Variants in CADM2 observed in about 807,000 individuals in gnomAD.
The protein encoded by CADM2 is cell adhesion molecule 2, also known as immunoglobulin superfamily member 4D.
In CADM2, 12 loss-of-function variants were observed where a neutral mutation model predicts 49.8. The ratio of observed to expected loss-of-function variants is 0.24; its 90% CI spans 0.15 to 0.39. CADM2 has a LOEUF of 0.39. CADM2 is among the 10% of genes least tolerant of loss of function. The pLI is 1.00. For missense variants in CADM2, 378 were observed against 492.3 expected (o/e 0.77, Z 2.20); for synonymous variants, 214 against 175.4 (o/e 1.22, Z -1.74).
intron 1 of CADM2, among the ~76,000 whole-genome samples, chr3:85,228,675 C>G (rs2042216063): frequency 6.6e-6 from 1 of 151,986 alleles, no homozygotes; most frequent in Non-Finnish European, 1.5e-5. Flanking sequence ...ACTATTGCTG[C>G]CTGATCCTTC....
intron 1 of CADM2, among the ~76,000 whole-genome samples, chr3:85,608,296 C>G (rs2063589023): frequency 6.6e-6 from 1 of 152,072 alleles, no homozygotes; most frequent in Non-Finnish European, 1.5e-5. Context: ...GGAATATTCT[C>G]TTAAATAGGG....
intron 5 of CADM2, among the ~76,000 whole-genome samples, chr3:85,908,647 G>A (rs536263309): frequency 2.8e-4 from 42 of 151,620 alleles, no homozygotes; most frequent in African/African-American, 4.8e-4. Flanking sequence ...TAAATGTATC[G>A]ACATTCAGCC....
At chr3:85,884,993 C>G (rs1713371991) in intron 4 of CADM2, among the ~76,000 whole-genome samples, 1 of 150,144 alleles carries the variant, frequency 6.7e-6, no homozygotes, top group Non-Finnish European at 1.5e-5. Flanking sequence ...GTTGGGATTA[C>G]AAGGGATGAG....
chr3:85,667,337 G>C (rs946380934), intron 1 of CADM2, among the ~76,000 whole-genome samples: 13 of 152,042 alleles, frequency 8.6e-5, no homozygotes, highest in Non-Finnish European at 1.5e-4. Context: ...ATTCCAACCT[G>C]TAATCAATAT....
intron 8 of CADM2, among the ~76,000 whole-genome samples, chr3:86,035,489 A>T (rs964234769): frequency 1.3e-5 from 2 of 152,026 alleles, no homozygotes; most frequent in African/African-American, 2.4e-5. Flanking sequence ...AATAAAGATT[A>T]AAAAAACTAC....
chr3:85,607,643 G>A lies in CADM2; in HGVS notation c.62-118879G>A, dbSNP rs930778216. Among the ~76,000 whole-genome samples the A allele has an allele frequency of 6.6e-5, 10 of 151,776 alleles. No homozygotes were observed. The East Asian group carries it at 1.6e-3, about 24-fold the overall frequency. ...ATACCCCATAAATATATACACCTGC[G>A]TATTCAAAATAATTATTTTTTTTTT... On this transcript the variant is annotated intron_variant, in intron 1 of 9. Transcript: ENST00000383699.
chr3:85,465,502 T>C (rs2038451959), intron 1 of CADM2, among the ~76,000 whole-genome samples: 2 of 152,154 alleles, frequency 1.3e-5, no homozygotes, highest in South Asian at 2.1e-4. Flanking sequence ...TCCAAATTTA[T>C]ATATATTAAG....
intron 1 of CADM2, among the ~76,000 whole-genome samples, chr3:85,392,041 T>C (rs2107400000): frequency 6.6e-6 from 1 of 152,122 alleles, no homozygotes; most frequent in South Asian, 2.1e-4. Context: ...GAGAAGAAAA[T>C]TTGGGGATGT....
At chr3:85,613,959 A>G (rs966977377) in intron 1 of CADM2, among the ~76,000 whole-genome samples, 1 of 151,692 alleles carries the variant, frequency 6.6e-6, no homozygotes, top group Non-Finnish European at 1.5e-5. Context: ...TAATAAATAA[A>G]TGTTCATTTA....
intron 3 of CADM2, among the ~76,000 whole-genome samples, chr3:85,854,472 C>T (rs2075228777): frequency 6.6e-6 from 1 of 152,208 alleles, no homozygotes; most frequent in Middle Eastern, 3.4e-3. Flanking sequence ...AATTCATGTC[C>T]TTTGCAGGGA....
intron 7 of CADM2, among the ~76,000 whole-genome samples, chr3:85,953,170 T>C (rs549544692): frequency 1.3e-5 from 2 of 151,088 alleles, no homozygotes; most frequent in South Asian, 4.1e-4. Context: ...AAAATAATAC[T>C]TTTTCATGTT....
intron 1 of CADM2, among the ~76,000 whole-genome samples, chr3:85,582,689 C>T (rs1326872432): frequency 6.6e-6 from 1 of 152,074 alleles, no homozygotes; most frequent in African/African-American, 2.4e-5. Flanking sequence ...CTCCCAAAGG[C>T]CCCATGTCCA....
At chr3:86,061,971 AGGTGCTGTTGATGGTGG>A (rs1553731916) in intron 8 of CADM2, among the ~76,000 whole-genome samples, 1 of 129,440 alleles carries the variant, frequency 7.7e-6, no homozygotes, top group Non-Finnish European at 1.6e-5. Flanking sequence ...AGAATCCCTC[AGGTGCTGTTGATGGTGG>A]GGGGGGGGTT....
intron 1 of CADM2, among the ~76,000 whole-genome samples, chr3:85,133,953 G>A (rs528881796): frequency 1.3e-5 from 2 of 152,222 alleles, no homozygotes; most frequent in African/African-American, 4.8e-5. Flanking sequence ...AGGAGCCCAC[G>A]GAGGGGATGG....
intron 5 of CADM2, among the ~76,000 whole-genome samples, chr3:85,909,929 A>G (rs1717335779): frequency 6.6e-6 from 1 of 152,180 alleles, no homozygotes; most frequent in Non-Finnish European, 1.5e-5. Flanking sequence ...AAAAGATATT[A>G]TGATTGGCTC....
chr3:85,430,276 G>A (rs1410136075), intron 1 of CADM2, among the ~76,000 whole-genome samples: 2 of 152,170 alleles, frequency 1.3e-5, no homozygotes, highest in Middle Eastern at 3.4e-3. Flanking sequence ...AAATCCTCCC[G>A]TGGAAAAATA....
intron 1 of CADM2, among the ~76,000 whole-genome samples, chr3:85,420,636 T>G (rs908618356): frequency 6.6e-6 from 1 of 152,132 alleles, no homozygotes; most frequent in Non-Finnish European, 1.5e-5. Flanking sequence ...CAAGACAAAG[T>G]ATTAAAAACG....
chr3:85,283,095 T>A (rs2043544890), intron 1 of CADM2, among the ~76,000 whole-genome samples: 1 of 152,092 alleles, frequency 6.6e-6, no homozygotes, highest in South Asian at 2.1e-4. Context: ...GATGTATATT[T>A]ACTGGTATGG....
chr3:85,983,942 C>T (rs9880964), intron 8 of CADM2, among the ~76,000 whole-genome samples: 25,462 of 150,398 alleles, frequency 0.17, 2,215 homozygotes, highest in South Asian at 0.23. Flanking sequence ...TTGGAAATTG[C>T]GTAATTTTTT....
Sources: gnomAD v4.1 joint callset for allele counts (sites outside exome capture counted in the v4.1 genomes callset) on GRCh38, gnomAD v4.1.1 for gene constraint, MANE v1.5 for transcripts, NCBI Gene and HGNC (gene_info 2026-07-23, HGNC 2026-07-21) for gene names.